The following UNC5D variants were observed in gnomAD, a reference collection of about 807,000 sequenced individuals.
UNC5D encodes the protein unc-5 netrin receptor D.
In UNC5D, 39 loss-of-function variants were observed where a neutral mutation model predicts 105.4. The ratio of observed to expected loss-of-function variants is 0.37; its 90% CI spans 0.29 to 0.48. UNC5D has a LOEUF of 0.48. Among genes scored for constraint, UNC5D ranks in the 20% least tolerant of loss-of-function variants. The pLI, the probability that UNC5D is intolerant of heterozygous loss-of-function variation, is 0.98. For missense variants in UNC5D, 991 were observed against 1,202.4 expected (o/e 0.82, Z 2.60); for synonymous variants, 452 against 450.4 (o/e 1.00, Z -0.04).
chr8:35,407,363 A>G (rs1317224664), intron 1 of UNC5D, among the ~76,000 whole-genome samples: 1 of 152,064 alleles, frequency 6.6e-6, no homozygotes, highest in Admixed American at 6.6e-5. Flanking sequence ...AAAACACTTG[A>G]TAGTAATATT....
intron 8 of UNC5D, 28 bp downstream of exon 8, chr8:35,705,989 A>G: frequency 1.6e-6 from 2 of 1,285,054 alleles, no homozygotes; most frequent in Non-Finnish European, 2.2e-6. Context: ...TTGTGAATAT[A>G]ATTTATTCTC....
chr8:35,782,649 G>A (rs914092600), intron 16 of UNC5D, among the ~76,000 whole-genome samples: 10 of 151,762 alleles, frequency 6.6e-5, no homozygotes, highest in Non-Finnish European at 1.2e-4. Flanking sequence ...GATTACAGGC[G>A]CCTGCCACCA....
chr8:35,769,554 A>G (rs1390153016), intron 15 of UNC5D, among the ~76,000 whole-genome samples: 1 of 152,232 alleles, frequency 6.6e-6, no homozygotes, highest in Non-Finnish European at 1.5e-5. Flanking sequence ...GAGATCCTAC[A>G]TGTAGCTCTG....
At chr8:35,757,572 T>C (rs1430218154) in intron 13 of UNC5D, among the ~76,000 whole-genome samples, 2 of 152,168 alleles carry the variant, frequency 1.3e-5, no homozygotes, top group Non-Finnish European at 2.9e-5. Context: ...TAGGCATTCA[T>C]GTATGGTAAT....
chr8:35,276,679 G>C (rs1480659613), intron 1 of UNC5D, among the ~76,000 whole-genome samples: 1 of 152,160 alleles, frequency 6.6e-6, no homozygotes, highest in East Asian at 1.9e-4. Flanking sequence ...GGGAATTTTT[G>C]CATGATATAG....
At chr8:35,618,496 G>T (rs961331525) in intron 4 of UNC5D, among the ~76,000 whole-genome samples, 1 of 152,124 alleles carries the variant, frequency 6.6e-6, no homozygotes, top group Non-Finnish European at 1.5e-5. Context: ...AGAGATGGGA[G>T]CTGACAAATA....
chr8:35,525,950 G>A (rs953848384), intron 1 of UNC5D, among the ~76,000 whole-genome samples: 1 of 152,078 alleles, frequency 6.6e-6, no homozygotes, highest in East Asian at 1.9e-4. Flanking sequence ...CCCTTATTTT[G>A]TGTGTGTCCC....
chr8:35,593,224 T>G (rs1429602307), intron 3 of UNC5D, among the ~76,000 whole-genome samples: 1 of 152,198 alleles, frequency 6.6e-6, no homozygotes, highest in Non-Finnish European at 1.5e-5. Flanking sequence ...GTTAATGTAG[T>G]GGTGTGTAGA....
At chr8:35,406,221 C>T (rs13280010) in intron 1 of UNC5D, among the ~76,000 whole-genome samples, 50,524 of 151,906 alleles carry the variant, frequency 0.33, 9,952 homozygotes, top group Middle Eastern at 0.45. Context: ...TCTTTAATAA[C>T]ATATGTTGAA....
intron 13 of UNC5D, among the ~76,000 whole-genome samples, chr8:35,754,581 T>C (rs1830431071): frequency 1.3e-5 from 2 of 152,162 alleles, no homozygotes; most frequent in Admixed American, 1.3e-4. Flanking sequence ...AAGGAACGTG[T>C]AGAGACTCAA....
At chr8:35,705,877 C>T (rs1317766896) in intron 7 of UNC5D, 52 bp from the exon 8 acceptor site, 1 of 1,141,626 alleles carries the variant, frequency 8.8e-7, no homozygotes, top group African/African-American at 1.6e-5. Flanking sequence ...TATATCTGCT[C>T]CATGTAAATT....
chr8:35,703,125 A>G (rs1827322241), intron 7 of UNC5D, among the ~76,000 whole-genome samples: 1 of 151,944 alleles, frequency 6.6e-6, no homozygotes, highest in African/African-American at 2.4e-5. Context: ...AATCCCCAAA[A>G]TTCACTAGAA....
chr8:35,238,417 A>G (rs1197808297), intron 1 of UNC5D, among the ~76,000 whole-genome samples: 4 of 152,234 alleles, frequency 2.6e-5, no homozygotes, highest in African/African-American at 9.6e-5. Context: ...AGTAAGACTT[A>G]GCTCTTCAGA....
At chr8:35,408,820 A>G (rs1804973841) in intron 1 of UNC5D, among the ~76,000 whole-genome samples, 2 of 152,144 alleles carry the variant, frequency 1.3e-5, no homozygotes, top group Admixed American at 1.3e-4. Context: ...ATTTTAATTT[A>G]CAAACAGTAA....
At chr8:35,581,527 A>G (rs2130843581) in intron 3 of UNC5D, among the ~76,000 whole-genome samples, 1 of 152,340 alleles carries the variant, frequency 6.6e-6, no homozygotes, top group South Asian at 2.1e-4. Context: ...AGAATGAATA[A>G]GATTTAGTAT....
intron 7 of UNC5D, among the ~76,000 whole-genome samples, chr8:35,688,731 A>G (rs1310925984): frequency 2.0e-5 from 3 of 152,208 alleles, no homozygotes; most frequent in Admixed American, 2.0e-4. Flanking sequence ...CTTGAATACC[A>G]CCAGATTTTT....
chr8:35,448,573 C>G (rs1301237372), intron 1 of UNC5D, among the ~76,000 whole-genome samples: 1 of 152,086 alleles, frequency 6.6e-6, no homozygotes, highest in Non-Finnish European at 1.5e-5. Context: ...ACCTCCCCAG[C>G]AGAGGTGGGG....
intron 1 of UNC5D, among the ~76,000 whole-genome samples, chr8:35,247,660 T>C (rs1156385522): frequency 1.4e-4 from 5 of 35,852 alleles, no homozygotes; most frequent in Admixed American, 1.3e-3. Context: ...ATATATAAAA[T>C]ATATATAATA....
At chr8:35,240,561 C>G (rs1185836665) in intron 1 of UNC5D, among the ~76,000 whole-genome samples, 1 of 151,874 alleles carries the variant, frequency 6.6e-6, no homozygotes, top group East Asian at 1.9e-4. Context: ...TGTGATTACC[C>G]CCATTGGTAA....
Sources: gnomAD v4.1 joint callset for allele counts (sites outside exome capture counted in the v4.1 genomes callset) on GRCh38, gnomAD v4.1.1 for gene constraint, MANE v1.5 for transcripts, NCBI Gene and HGNC (gene_info 2026-07-23, HGNC 2026-07-21) for gene names.